The following RANBP17 variants were observed in gnomAD, a reference collection of about 807,000 sequenced individuals.
RANBP17 encodes RAN binding protein 17.
In RANBP17, 158 loss-of-function variants were observed where a neutral mutation model predicts 141.2. That is an observed-to-expected ratio of 1.12 (90% CI 0.98 to 1.28). The LOEUF (loss-of-function observed/expected upper bound fraction) is 1.28. Ranked by LOEUF, RANBP17 falls within the 50% of genes most tolerant of loss-of-function variation. RANBP17 has a pLI of 0.00. For synonymous variants in RANBP17, 430 were observed against 450.0 expected (o/e 0.96, Z 0.56); for missense variants, 1,438 against 1,290.7 (o/e 1.11, Z -1.75).
intron 24 of RANBP17, among the ~76,000 whole-genome samples, 181 bp from the exon 25 acceptor site, chr5:171,265,500 A>G (rs1056676725): frequency 3.9e-5 from 6 of 152,226 alleles, no homozygotes; most frequent in Admixed American, 3.9e-4. Flanking sequence ...ATTGCACTCT[A>G]GCCTGGGTGA....
intron 14 of RANBP17, among the ~76,000 whole-genome samples, chr5:171,111,525 C>T (rs1481260138): frequency 1.3e-5 from 2 of 152,176 alleles, no homozygotes; most frequent in African/African-American, 2.4e-5. Context: ...GCTGTTAGTG[C>T]AGTCTCTCTG....
At chr5:170,957,162 A>T (rs1775788241) in intron 13 of RANBP17, among the ~76,000 whole-genome samples, 1 of 152,154 alleles carries the variant, frequency 6.6e-6, no homozygotes, top group South Asian at 2.1e-4. Flanking sequence ...TAAAGTAGGT[A>T]TATATTTGCC....
chr5:170,915,512 GTT>G (rs1491433902), intron 8 of RANBP17, among the ~76,000 whole-genome samples: 1 of 152,026 alleles, frequency 6.6e-6, no homozygotes, highest in East Asian at 1.9e-4. Context: ...TTCCTAAGGA[GTT>G]TTTTGTTTTT....
At chr5:171,134,369 A>C (rs1443951681) in intron 14 of RANBP17, among the ~76,000 whole-genome samples, 1 of 152,226 alleles carries the variant, frequency 6.6e-6, no homozygotes, top group East Asian at 1.9e-4. Context: ...TCAAATATCT[A>C]TCCTGTACTT....
chr5:171,238,824 T>C (rs1057264924), intron 22 of RANBP17, among the ~76,000 whole-genome samples: 2 of 152,222 alleles, frequency 1.3e-5, no homozygotes, highest in African/African-American at 4.8e-5. Flanking sequence ...ACTTCAATTA[T>C]CCTTCAAACT....
At chr5:171,060,948 C>CA in intron 14 of RANBP17, among the ~76,000 whole-genome samples, 1 of 82,906 alleles carries the variant, frequency 1.2e-5, no homozygotes, top group East Asian at 4.6e-4. Context: ...AGTTTATTTG[C>CA]GTAGAGGTGT....
intron 13 of RANBP17, among the ~76,000 whole-genome samples, chr5:170,957,498 A>G (rs896872758): frequency 2.0e-5 from 3 of 152,180 alleles, no homozygotes; most frequent in African/African-American, 7.2e-5. Context: ...GGTCATTTGC[A>G]GACATGTGCT....
intron 14 of RANBP17, among the ~76,000 whole-genome samples, chr5:171,051,547 A>G (rs1200404983): frequency 2.0e-5 from 3 of 152,244 alleles, no homozygotes; most frequent in Middle Eastern, 6.8e-3. Flanking sequence ...GGTTCATCCA[A>G]ATTGTAACAT....
At chr5:171,103,611 A>G (rs930611227) in intron 14 of RANBP17, among the ~76,000 whole-genome samples, 21 of 151,868 alleles carry the variant, frequency 1.4e-4, no homozygotes, top group Non-Finnish European at 2.8e-4. Flanking sequence ...GGAGTGAATG[A>G]TTCTGTCTCA....
chr5:170,934,067 C>G (rs1049960727), intron 12 of RANBP17, among the ~76,000 whole-genome samples: 13 of 152,128 alleles, frequency 8.5e-5, no homozygotes, highest in African/African-American at 3.1e-4. Flanking sequence ...TTTTAGGTCT[C>G]TCAGGACGTG....
At chr5:170,882,018 C>T (rs920093716) in intron 3 of RANBP17, 122 bp downstream of exon 3, 18 of 596,050 alleles carry the variant, frequency 3.0e-5, no homozygotes, top group Non-Finnish European at 5.3e-5. Flanking sequence ...ACATGAGTAT[C>T]AAGTCTCATT....
intron 16 of RANBP17, among the ~76,000 whole-genome samples, chr5:171,174,123 CT>C (rs36086428): frequency 6.6e-6 from 1 of 152,008 alleles, no homozygotes; most frequent in African/African-American, 2.4e-5. Context: ...ATCCAGTGAC[CT>C]TTTTGACAGA....
intron 4 of RANBP17, among the ~76,000 whole-genome samples, chr5:170,894,096 T>C (rs1204601587): frequency 6.6e-6 from 1 of 152,166 alleles, no homozygotes; most frequent in Non-Finnish European, 1.5e-5. Flanking sequence ...GGAATAAGTG[T>C]TCTTAGCTCT....
chr5:171,186,185 A>C (rs1472772060), intron 18 of RANBP17, among the ~76,000 whole-genome samples: 1 of 152,020 alleles, frequency 6.6e-6, no homozygotes, highest in Non-Finnish European at 1.5e-5. Flanking sequence ...CCAGACATTG[A>C]CCTCTCCTCT....
In RANBP17 at chr5:171,277,635, A is replaced by ATGTGTG. The variant is rs1386796395; in HGVS notation, c.2943+11791_2943+11792insGTGTGT. ...AAGTGCCTTACGTATACATATATGT[A>ATGTGTG]TGTATATATATATATATATATATAT... On this transcript the variant is annotated intron_variant, in intron 25 of 27. Transcript: ENST00000523189. Among the ~76,000 whole-genome samples, 228 of 70,632 alleles carry ATGTGTG rather than the reference A, an allele frequency of 3.2e-3. 5 individuals are homozygous for ATGTGTG. The highest frequency in any genetic ancestry group is 0.013 in the African/African-American group (205 of 16,284). 46.3% of individuals were successfully genotyped at this position (70,632 alleles called of 152,430 possible).
At chr5:171,236,965 TGAAA>T (rs1054843446) in intron 22 of RANBP17, among the ~76,000 whole-genome samples, 1 of 152,164 alleles carries the variant, frequency 6.6e-6, no homozygotes, top group Non-Finnish European at 1.5e-5. Flanking sequence ...CTGAGGCCTG[TGAAA>T]GAAAGCCATT....
At chr5:171,154,287 T>C (rs954387158) in intron 14 of RANBP17, among the ~76,000 whole-genome samples, 8 of 151,992 alleles carry the variant, frequency 5.3e-5, no homozygotes, top group Non-Finnish European at 8.8e-5. Flanking sequence ...GTCAAGGTGT[T>C]TTTTTCTGAG....
At chr5:171,069,477 A>T (rs905133878) in intron 14 of RANBP17, among the ~76,000 whole-genome samples, 1 of 152,148 alleles carries the variant, frequency 6.6e-6, no homozygotes, top group African/African-American at 2.4e-5. Flanking sequence ...GTTTCAGTGG[A>T]GGAATTGATT....
intron 18 of RANBP17, among the ~76,000 whole-genome samples, chr5:171,186,597 T>C (rs376101654): frequency 0.058 from 6,607 of 114,768 alleles, 253 homozygotes; most frequent in African/African-American, 0.13. Flanking sequence ...AGTGCAGTGG[T>C]GCGATCTCGG....
Sources: gnomAD v4.1 joint callset for allele counts (sites outside exome capture counted in the v4.1 genomes callset) on GRCh38, gnomAD v4.1.1 for gene constraint, MANE v1.5 for transcripts, NCBI Gene and HGNC (gene_info 2026-07-23, HGNC 2026-07-21) for gene names.